Variants in TMEM120B observed in about 807,000 individuals in gnomAD.
TMEM120B encodes the protein transmembrane protein 120B.
A neutral mutation model predicts 55.5 loss-of-function variants in TMEM120B; 31 were observed. That is an observed-to-expected ratio of 0.56 (90% CI 0.42 to 0.75). The LOEUF is 0.75. TMEM120B is among the 30% of genes least tolerant of loss of function. The probability of loss-of-function intolerance (pLI) is 0.00; values close to 1 mark genes in which losing one functional copy is unlikely to be tolerated. For missense variants in TMEM120B, 399 were observed against 425.5 expected, an observed-to-expected ratio of 0.94 and a Z score of 0.55; for synonymous variants, 203 against 176.3, an observed-to-expected ratio of 1.15 and a Z score of -1.20.
At chr12:121,761,823 T>C in intron 6 of TMEM120B, 85 bp downstream of exon 6, 1 of 1,025,864 alleles carries the variant, frequency 9.7e-7, no homozygotes, top group Non-Finnish European at 1.5e-6. Context: ...GCCGACACCC[T>C]CAGGCTGCAT....
rs1176923462 is a variant in TMEM120B, at chr12:121,781,792, C to T, written c.*6070C>T. On this transcript the variant is annotated 3_prime_UTR_variant, in exon 12 of 12. Coordinates refer to ENST00000449592, the MANE Select transcript of TMEM120B (RefSeq NM_001080825.2). Reference sequence around the variant, plus strand: ...TGATGCAGTCAGCTGAGTTCCCTGCCTATTCTTGCAAGCACTAGGAGGAGG... The same window carrying T: ...TGATGCAGTCAGCTGAGTTCCCTGCTTATTCTTGCAAGCACTAGGAGGAGG... 1.3e-5 allele frequency: 2 copies of T among 153,474 alleles called. No homozygotes were observed. Among genetic ancestry groups the T allele is most frequent in the Non-Finnish European group, 2.9e-5 (2 of 68,918 alleles). 9.5% of individuals were successfully genotyped at this position (153,474 alleles called of 1,614,324 possible).
intron 1 of TMEM120B, among the ~76,000 whole-genome samples, chr12:121,714,940 G>A (rs1894671343): frequency 1.3e-5 from 2 of 152,096 alleles, no homozygotes; most frequent in African/African-American, 4.8e-5. Flanking sequence ...TTAGGGTTGG[G>A]AATGGGAGAA....
rs368101093 is a variant in TMEM120B, at chr12:121,780,926, C to G, written c.*5204C>G. The G allele has an allele frequency of 1.2e-6, 2 of 1,614,048 alleles. No individual in the cohort carries two copies. The highest frequency in any genetic ancestry group is 2.2e-5 in the South Asian group (2 of 91,078). On this transcript the variant is annotated 3_prime_UTR_variant, in exon 12 of 12. Coordinates refer to ENST00000449592, the MANE Select transcript of TMEM120B (RefSeq NM_001080825.2). ...CGGCCCGGAGCTTCCGCAGCTGCTC[C>G]TTGTCCTTCCTCAGGTCTGTCTTGC...
At chr12:121,725,808 G>C (rs1006675303) in intron 1 of TMEM120B, among the ~76,000 whole-genome samples, 1 of 151,722 alleles carries the variant, frequency 6.6e-6, no homozygotes, top group Non-Finnish European at 1.5e-5. Flanking sequence ...AGGCCAAGGA[G>C]GGCAGATCAC....
Position 121,777,671 on chromosome 12 carries a change from G to T in TMEM120B, c.*1949G>T, listed in dbSNP as rs1359093079. The T allele has an allele frequency of 4.6e-5, 7 of 152,224 alleles. No individual in the cohort carries two copies. Among genetic ancestry groups the T allele is most frequent in the Admixed American group, 4.6e-4 (7 of 15,274 alleles). The allele number at this position is 152,224 out of a possible 1,614,324, so 9.4% of individuals were successfully genotyped here. Reference sequence around the variant, plus strand: ...TAAAGGGCCAGATGGCAACTATTTTGAGCTTTATGGGCCAGGTGGTTTGTG... The same window carrying T: ...TAAAGGGCCAGATGGCAACTATTTTTAGCTTTATGGGCCAGGTGGTTTGTG... On this transcript the variant is annotated 3_prime_UTR_variant, in exon 12 of 12. Transcript: ENST00000449592.
chr12:121,748,761 C>T (rs924485141), intron 3 of TMEM120B, among the ~76,000 whole-genome samples: 18 of 152,196 alleles, frequency 1.2e-4, no homozygotes, highest in Non-Finnish European at 1.6e-4. Flanking sequence ...GCCTCCTGCA[C>T]GCTCAGAGCT....
Position 121,748,360 on chromosome 12 carries a change from C to G in TMEM120B, c.223C>G (p.Leu75Val), listed in dbSNP as rs976131636. ...KRHASREEAE[L>V]VQQMAANIKE... is the part of the protein sequence containing the mutation. The stretch of plus-strand genomic sequence containing the variant: ...CCATGCCAGTCGGGAGGAGGCGGAG[C>G]TCGTTCAGCAGATGGCAGCGAACAT... Residue 75 changes from leucine to valine, a missense_variant, in exon 3 of 12, where the codon CTC (leucine) becomes GTC (valine). This residue lies in a region of TMEM120B where 133 missense variants were observed against 104.1 expected (regional missense o/e 1.28). Transcript: ENST00000449592. The G allele has an allele frequency of 1.9e-6, 3 of 1,611,134 alleles. No homozygotes were observed. The highest frequency in any genetic ancestry group is 2.5e-6 in the Non-Finnish European group (3 of 1,178,690).
chr12:121,764,516 G>A (rs1293741061), intron 6 of TMEM120B, among the ~76,000 whole-genome samples: 4 of 148,972 alleles, frequency 2.7e-5, no homozygotes, highest in Non-Finnish European at 6.0e-5. Flanking sequence ...AGTGAAACTC[G>A]GTCTAAAAAA....
At position 121,775,783 on chromosome 12, in the gene TMEM120B, C is replaced by G. The variant is rs1408001078; in HGVS notation, c.*61C>G. ...ACTGCAGGGGGCTCCCGGGCTCCTT[C>G]CCAGCAGCCCTCTCAGGCCCGTGGC... On this transcript the variant is annotated 3_prime_UTR_variant, in exon 12 of 12. Transcript: ENST00000449592. This position sits in a 1 kb window ranked among gnomAD's most constrained non-coding sequence, Gnocchi z 4.3. 5.7e-6 allele frequency: 9 copies of G among 1,567,034 alleles called. No individual in the cohort carries two copies. The highest frequency in any genetic ancestry group is 7.9e-6 in the Non-Finnish European group (9 of 1,144,378).
chr12:121,758,445 T>TGGA (rs1481446194), intron 5 of TMEM120B: 1 of 974,860 alleles, frequency 1.0e-6, no homozygotes, highest in African/African-American at 1.9e-5. Context: ...GTGGTCACCA[T>TGGA]GGAGGAGGAT....
intron 1 of TMEM120B, among the ~76,000 whole-genome samples, chr12:121,735,881 G>A (rs1895100570): frequency 2.0e-5 from 3 of 152,000 alleles, no homozygotes; most frequent in Admixed American, 2.0e-4. Flanking sequence ...AGTAGAGACG[G>A]GGGTTTCACC....
chr12:121,717,743 C>T (rs946165294), intron 1 of TMEM120B, among the ~76,000 whole-genome samples: 26 of 152,150 alleles, frequency 1.7e-4, no homozygotes, highest in East Asian at 5.8e-4. Context: ...CCACAACCTC[C>T]GCCTTCCAGG....
intron 2 of TMEM120B, 29 bp downstream of exon 2, chr12:121,743,776 C>A: frequency 6.5e-7 from 1 of 1,527,374 alleles, no homozygotes; most frequent in Non-Finnish European, 9.0e-7. Context: ...CGGGGGCTGC[C>A]CTGGTTCTGA....
At chr12:121,744,894 C>G (rs1368829380) in intron 2 of TMEM120B, among the ~76,000 whole-genome samples, 1 of 152,202 alleles carries the variant, frequency 6.6e-6, no homozygotes, top group East Asian at 1.9e-4. Flanking sequence ...TGGCCCTGTG[C>G]AAACACGTCA....
At position 121,752,236 on chromosome 12, in the gene TMEM120B, G is replaced by A; in HGVS notation, c.461+13G>A. The A allele has an allele frequency of 6.2e-7, 1 of 1,611,398 alleles. No homozygotes were observed. Among genetic ancestry groups the A allele is most frequent in the Non-Finnish European group, 8.5e-7 (1 of 1,177,902 alleles). ...TCCTTCACTACAGGTAGTGGGTGTG[G>A]CCGTGTGTGCCTGGGCCTGGGCATG... On this transcript the variant is annotated intron_variant, in intron 5 of 11. Coordinates refer to ENST00000449592, the MANE Select transcript of TMEM120B (RefSeq NM_001080825.2).
intron 6 of TMEM120B, among the ~76,000 whole-genome samples, chr12:121,764,689 C>G (rs190518070): frequency 6.6e-6 from 1 of 152,132 alleles, no homozygotes; most frequent in African/African-American, 2.4e-5. Flanking sequence ...TGTGATGCCT[C>G]TAGCAATCAT....
chr12:121,739,798 CTTTTTTTTTTT>C (rs200085137), intron 1 of TMEM120B, among the ~76,000 whole-genome samples: 4 of 99,216 alleles, frequency 4.0e-5, no homozygotes, highest in African/African-American at 4.3e-5. Context: ...TGCAACACTT[CTTTTTTTTTTT>C]TTTTTTTTTT....
intron 1 of TMEM120B, among the ~76,000 whole-genome samples, chr12:121,741,403 C>T (rs1282785065): frequency 6.6e-6 from 1 of 152,172 alleles, no homozygotes; most frequent in Non-Finnish European, 1.5e-5. Flanking sequence ...GATCTCGGCT[C>T]ACCACAACCT....
intron 2 of TMEM120B, among the ~76,000 whole-genome samples, chr12:121,745,545 C>A (rs557938327): frequency 1.3e-4 from 20 of 151,858 alleles, no homozygotes; most frequent in Non-Finnish European, 2.1e-4. Context: ...GTGCCCGCCA[C>A]CACGCCCAGC....
Sources: allele counts gnomAD v4.1 joint callset (sites outside exome capture counted in the v4.1 genomes callset), GRCh38; gene constraint gnomAD v4.1.1; regional missense constraint gnomAD v4.1.1; non-coding constraint Gnocchi (gnomAD v3.1); transcripts MANE v1.5; gene names NCBI Gene and HGNC (gene_info 2026-07-23, HGNC 2026-07-21).